Variants in ZNF774 observed in about 807,000 individuals in gnomAD.
ZNF774 encodes the protein zinc finger protein 774.
Under a neutral mutation model 11.1 loss-of-function variants are expected in ZNF774, and 14 were observed. The ratio of observed to expected loss-of-function variants is 1.26; its 90% CI spans 0.83 to 1.97. The LOEUF is 1.97. Among genes scored for constraint, ZNF774 ranks in the 30% most tolerant of loss-of-function variants. The pLI is 0.00. For synonymous variants in ZNF774, 195 were observed against 212.6 expected (o/e 0.92, Z 0.72); for missense variants, 599 against 587.0 (o/e 1.02, Z -0.21).
At chr15:90,357,719 G>C (rs1964267137) in intron 2 of ZNF774, among the ~76,000 whole-genome samples, 5 of 151,994 alleles carry the variant, frequency 3.3e-5, no homozygotes, top group Admixed American at 2.6e-4. Context: ...TTACAGGTGT[G>C]CACCACCACA....
Position 90,361,380 on chromosome 15 carries a change from AT to A in ZNF774, c.*100del. The A allele has an allele frequency of 6.7e-7, 1 of 1,501,594 alleles. No homozygotes were observed. Among genetic ancestry groups the A allele is most frequent in the Middle Eastern group, 2.2e-4 (1 of 4,576 alleles). 93.0% of individuals were successfully genotyped at this position (1,501,594 alleles called of 1,614,324 possible). A position where few individuals can be genotyped will look rare whatever the true frequency, so the allele number is the denominator to read the frequency against. ...AGAAAACCTGGGCGTCAGTGGCTCA[AT>A]TTGGGCCCTGATCTATTCTCCCTCT... On this transcript the variant is annotated 3_prime_UTR_variant, in exon 4 of 4. Transcript: ENST00000354377.
At chr15:90,356,112 C>CTTCT (rs998824575) in intron 2 of ZNF774, among the ~76,000 whole-genome samples, 1 of 140,080 alleles carries the variant, frequency 7.1e-6, no homozygotes, top group African/African-American at 2.7e-5. Context: ...TCCTGCTTTA[C>CTTCT]TTCTTTCTTT....
intron 2 of ZNF774, among the ~76,000 whole-genome samples, chr15:90,357,730 C>T (rs1023827725): frequency 2.3e-4 from 35 of 151,976 alleles, no homozygotes; most frequent in African/African-American, 8.0e-4. Flanking sequence ...CACCACCACA[C>T]GTGGCTAATT....
rs1300565941 is a variant in ZNF774, at chr15:90,360,789, A to C, written c.958A>C (p.Lys320Gln). 1 of 1,614,048 alleles carries C rather than the reference A, an allele frequency of 6.2e-7. No homozygotes were observed. The highest frequency in any genetic ancestry group is 2.2e-5 in the East Asian group (1 of 44,894). The stretch of plus-strand genomic sequence containing the variant: ...AACCCACACGGGAGAACGGCCCTTC[A>C]AATGCCCGGAGTGCGGGAAGGGCTT... ...QRTHTGERPF[K>Q]CPECGKGFRD... Residue 320 changes from lysine (K) to glutamine (Q), a missense_variant, in exon 4 of 4, where the codon AAA becomes CAA. Transcript: ENST00000354377.
At position 90,358,957 on chromosome 15, in the gene ZNF774, G is replaced by A. The variant is rs764243390; in HGVS notation, c.211G>A (p.Asp71Asn). The stretch of plus-strand genomic sequence containing the variant: ...GAAGATCCCGAGGGAAAGCCACACA[G>A]GTGAGATGTGAGTGCTCCCCAGTGG... ...ARKIPRESHTDCEHQVAKLNQ... is the reference protein window; with the variant it reads ...ARKIPRESHTNCEHQVAKLNQ... Residue 71 changes from aspartate to asparagine, a missense_variant and splice_region_variant, in exon 3 of 4, where the codon GAC becomes AAC. Asp to Asn is a conservative substitution (Grantham distance 23). Coordinates refer to ENST00000354377, the MANE Select transcript of ZNF774 (RefSeq NM_001004309.3). 6.2e-7 allele frequency: 1 copy of A among 1,612,020 alleles called. No homozygotes were observed. Among genetic ancestry groups the A allele is most frequent in the Admixed American group, 1.7e-5 (1 of 59,978 alleles).
In ZNF774 at chr15:90,361,653, A is replaced by C. The variant is rs531541775; in HGVS notation, c.*370A>C. The C allele has an allele frequency of 4.5e-6, 2 of 446,820 alleles. No individual in the cohort carries two copies. The highest frequency in any genetic ancestry group is 2.6e-4 in the East Asian group (2 of 7,602). 27.7% of individuals were successfully genotyped at this position (446,820 alleles called of 1,614,324 possible). On this transcript the variant is annotated 3_prime_UTR_variant, in exon 4 of 4. Transcript: ENST00000354377. ...ATGGTGAAACCTCATCTCTACTAAA[A>C]ATGCAAAAATTAGCTGGGCATGGTG...
At position 90,354,737 on chromosome 15, in the gene ZNF774, C is replaced by T; in HGVS notation, c.77C>T (p.Ala26Val). 6.2e-7 allele frequency: 1 copy of T among 1,612,342 alleles called. No individual in the cohort carries two copies. The highest frequency in any genetic ancestry group is 2.2e-5 in the East Asian group (1 of 44,888). Residue 26 changes from alanine to valine, a missense_variant, in exon 2 of 4, where the codon GCA (alanine) becomes GTA (valine). Ala to Val is a moderately conservative substitution (Grantham distance 64). Transcript: ENST00000354377. Reference sequence around the variant, plus strand: ...AATCCTCTCCAGGAATGCCACCCAGCACAGTTAGAAGAATGGGCTCTCAAA... The same window carrying T: ...AATCCTCTCCAGGAATGCCACCCAGTACAGTTAGAAGAATGGGCTCTCAAA... ...LENPLQECHPAQLEEWALKGI... is the reference protein window; with the variant it reads ...LENPLQECHPVQLEEWALKGI...
Position 90,355,937 on chromosome 15 carries a change from G to A in ZNF774, c.104+1173G>A, listed in dbSNP as rs575053977. On this transcript the variant is annotated intron_variant, in intron 2 of 3. Transcript: ENST00000354377. Reference sequence around the variant, plus strand: ...CCAGCTACTCGGGAGGCTGAGGCAGGAGAACAGCGTGAACTGGGAGGCGGA... The same window carrying A: ...CCAGCTACTCGGGAGGCTGAGGCAGAAGAACAGCGTGAACTGGGAGGCGGA... Among the ~76,000 whole-genome samples, 142 of 146,860 alleles carry A rather than the reference G, an allele frequency of 9.7e-4. 1 individual carries two copies. Among genetic ancestry groups the A allele is most frequent in the Non-Finnish European group, 3.4e-4 (23 of 67,120 alleles).
chr15:90,353,702 C>T (rs988236526), intron 1 of ZNF774, among the ~76,000 whole-genome samples: 1 of 151,478 alleles, frequency 6.6e-6, no homozygotes, highest in Non-Finnish European at 1.5e-5. Flanking sequence ...CTGAAGTGAT[C>T]CTCCCACTTC....
chr15:90,352,636 G>C (rs890133911), intron 1 of ZNF774, among the ~76,000 whole-genome samples: 11 of 152,170 alleles, frequency 7.2e-5, no homozygotes, highest in African/African-American at 2.7e-4. Context: ...GGTGGTCCCA[G>C]GGTTTCAGCT....
rs796368145 is a variant in ZNF774, at chr15:90,360,132, C to T, written c.301C>T (p.Leu101Phe). The T allele has an allele frequency of 6.2e-7, 1 of 1,614,180 alleles. No homozygotes were observed. The highest frequency in any genetic ancestry group is 8.5e-7 in the Non-Finnish European group (1 of 1,180,040). The change falls in exon 4 of 4, where the codon CTT (leucine) becomes TTT (phenylalanine). Residue 101 changes from leucine (L) to phenylalanine (F), a missense_variant. Leu to Phe is a conservative substitution (Grantham distance 22, BLOSUM62 0). Transcript: ENST00000354377. ...GTSSERTNKD[L>F]SHTLSWGGNW... ...ATCCTCAGAAAGGACCAATAAAGAT[C>T]TTTCTCATACTCTTAGTTGGGGAGG...
At chr15:90,355,369 C>A in intron 2 of ZNF774, 1 of 456,006 alleles carries the variant, frequency 2.2e-6, no homozygotes, top group Non-Finnish European at 4.4e-6. Flanking sequence ...GGACTCTCAC[C>A]TCTGCCACTT....
chr15:90,361,086 A>G lies in ZNF774; in HGVS notation c.1255A>G (p.Ile419Val). ...GKSFNQSSHF[I>V]THQRIHLGDR... is the part of the protein sequence containing the mutation. The stretch of plus-strand genomic sequence containing the variant: ...GAGCTTCAATCAGAGCTCCCACTTT[A>G]TTACCCATCAGCGAATCCACTTAGG... Residue 419 changes from isoleucine to valine, a missense_variant, in exon 4 of 4, where the codon ATT (isoleucine) becomes GTT (valine). Coordinates refer to ENST00000354377, the MANE Select transcript of ZNF774 (RefSeq NM_001004309.3). 2.5e-6 allele frequency: 4 copies of G among 1,614,152 alleles called. No homozygotes were observed. The highest frequency in any genetic ancestry group is 3.4e-6 in the Non-Finnish European group (4 of 1,180,008).
Position 90,358,892 on chromosome 15 carries a change from A to C in ZNF774, c.146A>C (p.Glu49Ala), listed in dbSNP as rs138737291. ...GTAATCTCCCAGCCGGAGCAGAAAG[A>C]AGAGCCATGGGTCCTACCACTCCAA... ...PSVISQPEQK[E>A]EPWVLPLQNF... Residue 49 changes from glutamate to alanine, a missense_variant, in exon 3 of 4, where the codon GAA becomes GCA. Transcript: ENST00000354377. 3.1e-6 allele frequency: 5 copies of C among 1,613,374 alleles called. No homozygotes were observed. Among genetic ancestry groups the C allele is most frequent in the Non-Finnish European group, 3.4e-6 (4 of 1,179,636 alleles).
At chr15:90,357,771 C>A (rs1964267742) in intron 2 of ZNF774, among the ~76,000 whole-genome samples, 1 of 152,130 alleles carries the variant, frequency 6.6e-6, no homozygotes, top group African/African-American at 2.4e-5. Flanking sequence ...AGGATTTCTC[C>A]ATGTTGGACA....
intron 2 of ZNF774, 76 bp downstream of exon 2, chr15:90,354,840 G>A (rs1260044139): frequency 1.6e-6 from 2 of 1,257,518 alleles, no homozygotes; most frequent in Non-Finnish European, 2.3e-6. Flanking sequence ...TGTCATCCAG[G>A]CTGGAGTGCA....
At chr15:90,353,167 A>T (rs892638968) in intron 1 of ZNF774, among the ~76,000 whole-genome samples, 1 of 151,972 alleles carries the variant, frequency 6.6e-6, no homozygotes, top group Non-Finnish European at 1.5e-5. Context: ...GGGTTTCACC[A>T]TGTTGGCCAG....
At chr15:90,352,503 C>G (rs1403993982) in intron 1 of ZNF774, 92 bp downstream of exon 1, 1 of 152,394 alleles carries the variant, frequency 6.6e-6, no homozygotes, top group Non-Finnish European at 1.5e-5. Flanking sequence ...GTTTTCTCAG[C>G]GGGGTTCCCG....
rs1214935821 is a variant in ZNF774 at position 90,362,772 on chromosome 15, CA to C, written c.*1490del. On this transcript the variant is annotated 3_prime_UTR_variant, in exon 4 of 4. Coordinates refer to ENST00000354377, the MANE Select transcript of ZNF774 (RefSeq NM_001004309.3). ...ATACACACACACACACACACACACA[CA>C]CACACACACACACTTTGTTGGTTAA... The C allele has an allele frequency of 3.5e-6, 2 of 563,768 alleles. No homozygotes were observed. The highest frequency in any genetic ancestry group is 3.7e-5 in the African/African-American group (2 of 53,484). The allele number at this position is 563,768 out of a possible 1,614,324, so 34.9% of individuals were successfully genotyped here.
Sources: gnomAD v4.1 joint callset for allele counts (sites outside exome capture counted in the v4.1 genomes callset) on GRCh38, gnomAD v4.1.1 for gene constraint, MANE v1.5 for transcripts, NCBI Gene and HGNC (gene_info 2026-07-23, HGNC 2026-07-21) for gene names.